The following SOX5 variants were observed in gnomAD, a reference collection of about 807,000 sequenced individuals.
The protein encoded by SOX5 is SRY-box transcription factor 5, also known as transcription factor SOX-5.
A neutral mutation model predicts 92.0 loss-of-function variants in SOX5; 9 were observed. The observed-to-expected ratio is 0.10, with a 90% CI of 0.06 to 0.17. SOX5 has a LOEUF of 0.17. Among genes scored for constraint, SOX5 ranks in the 10% least tolerant of loss-of-function variants. The pLI is 1.00. For synonymous variants in SOX5, 344 were observed against 336.3 expected, an observed-to-expected ratio of 1.02 and a Z score of -0.25; for missense variants, 642 against 944.5, an observed-to-expected ratio of 0.68 and a Z score of 4.20.
chr12:23,724,283 T>C (rs769096015), intron 6 of SOX5, among the ~76,000 whole-genome samples: 1 of 151,752 alleles, frequency 6.6e-6, no homozygotes, highest in South Asian at 2.1e-4. Flanking sequence ...CACACACGCA[T>C]ACACACACAC....
intron 4 of SOX5, among the ~76,000 whole-genome samples, chr12:24,172,079 G>A (rs191255881): frequency 1.5e-5 from 2 of 134,028 alleles, no homozygotes; most frequent in Admixed American, 7.5e-5. Context: ...CTGTGTGTGC[G>A]TGTGTGTGTG....
intron 6 of SOX5, among the ~76,000 whole-genome samples, chr12:23,685,998 T>C (rs970903129): frequency 2.0e-5 from 3 of 152,152 alleles, no homozygotes; most frequent in East Asian, 1.9e-4. Context: ...CAATCTTCCA[T>C]ACAACAGGCA....
intron 4 of SOX5, among the ~76,000 whole-genome samples, chr12:23,956,210 G>A (rs1043879774): frequency 1.1e-4 from 17 of 152,112 alleles, no homozygotes; most frequent in Non-Finnish European, 1.5e-5. Context: ...GGAGAATGTT[G>A]CCTATTAACA....
At chr12:24,426,807 T>C (rs1003359302) in intron 1 of SOX5, among the ~76,000 whole-genome samples, 7 of 152,200 alleles carry the variant, frequency 4.6e-5, no homozygotes, top group Non-Finnish European at 1.0e-4. Context: ...ATCTTCTCTA[T>C]GGGCATATTA....
At position 24,430,559 on chromosome 12, in the gene SOX5, T is replaced by A. The variant is rs1938102998; in HGVS notation, c.-250-61920A>T. ...AAAAGAAACCACACACACACATAAATGTAGTTATGATCTTTTTTTGAGAAC... is the reference window on the plus strand; with the variant it reads ...AAAAGAAACCACACACACACATAAAAGTAGTTATGATCTTTTTTTGAGAAC... On this transcript the variant is annotated intron_variant, in intron 1 of 4. Coordinates refer to the SOX5 transcript ENST00000446891. 2.0e-5 allele frequency among the ~76,000 whole-genome samples: 3 copies of A among 152,016 alleles called. No homozygotes were observed. In the South Asian group the frequency reaches 6.2e-4, roughly 32 times the overall value.
At chr12:24,267,838 TAAG>T (rs1432911859) in intron 3 of SOX5, among the ~76,000 whole-genome samples, 1 of 152,178 alleles carries the variant, frequency 6.6e-6, no homozygotes, top group Admixed American at 6.5e-5. Context: ...ATTATATTCT[TAAG>T]GAGCAGATTT....
intron 4 of SOX5, among the ~76,000 whole-genome samples, chr12:24,084,541 G>A (rs1569537530): frequency 6.6e-6 from 1 of 151,920 alleles, no homozygotes; most frequent in Non-Finnish European, 1.5e-5. Context: ...TTTAAAAATA[G>A]TCCTCTATAC....
At chr12:23,807,741 A>T (rs968843650) in intron 3 of SOX5, among the ~76,000 whole-genome samples, 3 of 151,590 alleles carry the variant, frequency 2.0e-5, no homozygotes, top group Non-Finnish European at 2.9e-5. Flanking sequence ...CCTGGGTTCA[A>T]GTGAATTCTC....
rs1956830562 is a variant in SOX5, at chr12:24,194,478, A to G, written c.-2+18865T>C. On this transcript the variant is annotated intron_variant, in intron 4 of 4. Coordinates refer to the SOX5 transcript ENST00000446891. ...GTAGAGAGATATGTGTGTGTGTAAA[A>G]ACTGGATTTGGTTCAATAGATTGAT... is the stretch of plus-strand genomic sequence containing the variant. Among the ~76,000 whole-genome samples, 3 of 152,110 alleles carry G rather than the reference A, an allele frequency of 2.0e-5. No homozygotes were observed. The South Asian group carries it at 6.2e-4, about 32-fold the overall frequency.
intron 1 of SOX5, among the ~76,000 whole-genome samples, chr12:24,505,463 G>A (rs934708674): frequency 1.3e-5 from 2 of 152,212 alleles, no homozygotes; most frequent in Non-Finnish European, 2.9e-5. Flanking sequence ...GAGCCAGTAT[G>A]TGTTATGCTT....
chr12:24,145,717 G>T (rs557500618), intron 4 of SOX5, among the ~76,000 whole-genome samples: 2 of 152,212 alleles, frequency 1.3e-5, no homozygotes, highest in East Asian at 3.9e-4. Flanking sequence ...ACGTTGCCCA[G>T]GCTGGTCTTG....
intron 2 of SOX5, among the ~76,000 whole-genome samples, chr12:24,309,771 T>C (rs1948989415): frequency 1.3e-5 from 2 of 152,148 alleles, no homozygotes; most frequent in East Asian, 3.8e-4. Context: ...AGATGCAAAC[T>C]GTAAAAACCG....
At chr12:24,449,866 A>G (rs1189733946) in intron 1 of SOX5, among the ~76,000 whole-genome samples, 5 of 152,102 alleles carry the variant, frequency 3.3e-5, no homozygotes, top group Non-Finnish European at 7.4e-5. Context: ...TCCTTTGTGT[A>G]TGTTTATGCC....
intron 1 of SOX5, among the ~76,000 whole-genome samples, chr12:24,401,928 T>C (rs761470050): frequency 2.0e-5 from 3 of 152,124 alleles, no homozygotes; most frequent in East Asian, 3.9e-4. Flanking sequence ...CATGTATGTA[T>C]GTATTTAGAA....
intron 3 of SOX5, among the ~76,000 whole-genome samples, chr12:23,761,560 A>G (rs1021526584): frequency 2.6e-5 from 4 of 152,166 alleles, no homozygotes; most frequent in Non-Finnish European, 2.9e-5. Context: ...AAAAGTACCA[A>G]TTAGAGATGC....
chr12:23,674,572 A>T (rs2085357171), intron 6 of SOX5, among the ~76,000 whole-genome samples: 1 of 151,748 alleles, frequency 6.6e-6, no homozygotes, highest in African/African-American at 2.4e-5. Context: ...TCTTTACCTC[A>T]GATGATCCAC....
intron 4 of SOX5, among the ~76,000 whole-genome samples, chr12:24,077,251 T>C (rs1386832613): frequency 6.6e-6 from 1 of 152,100 alleles, no homozygotes; most frequent in Non-Finnish European, 1.5e-5. Context: ...CAAGACTGAC[T>C]CTGGTGCTTT....
intron 4 of SOX5, among the ~76,000 whole-genome samples, chr12:23,986,656 C>A (rs1405339892): frequency 6.6e-6 from 1 of 152,116 alleles, no homozygotes; most frequent in East Asian, 1.9e-4. Context: ...TCCATTTTAT[C>A]ATGGACGTGA....
chr12:23,833,564 C>T (rs143207487), intron 3 of SOX5, among the ~76,000 whole-genome samples: 1 of 151,998 alleles, frequency 6.6e-6, no homozygotes, highest in East Asian at 1.9e-4. Context: ...GAGAAGTATG[C>T]AGTATTAAAG....
Sources: gnomAD v4.1 joint callset for allele counts (sites outside exome capture counted in the v4.1 genomes callset) on GRCh38, gnomAD v4.1.1 for gene constraint, MANE v1.5 for transcripts, NCBI Gene and HGNC (gene_info 2026-07-23, HGNC 2026-07-21) for gene names.